DAB1: variants seen among roughly 807,000 people sequenced by gnomAD.
DAB1 encodes DAB adaptor protein 1.
In DAB1, 15 loss-of-function variants were observed where a neutral mutation model predicts 64.6. The ratio of observed to expected loss-of-function variants is 0.23; its 90% CI spans 0.16 to 0.36. DAB1 has a LOEUF of 0.36. Among genes scored for constraint, DAB1 ranks in the 10% least tolerant of loss-of-function variants. The probability of loss-of-function intolerance (pLI) is 1.00; values close to 1 mark genes in which losing one functional copy is unlikely to be tolerated. For missense variants in DAB1, 596 were observed against 706.7 expected, an observed-to-expected ratio of 0.84 and a Z score of 1.78; for synonymous variants, 235 against 251.9, an observed-to-expected ratio of 0.93 and a Z score of 0.64.
chr1:57,843,708 T>C (rs1419894526), intron 1 of DAB1, among the ~76,000 whole-genome samples: 1 of 152,114 alleles, frequency 6.6e-6, no homozygotes, highest in Non-Finnish European at 1.5e-5. Context: ...CCAGCTGAAA[T>C]GAATTACCCT....
intron 7 of DAB1, among the ~76,000 whole-genome samples, chr1:57,590,573 T>C (rs1645433260): frequency 1.3e-5 from 2 of 152,062 alleles, no homozygotes; most frequent in African/African-American, 2.4e-5. Flanking sequence ...CCTCGTGATC[T>C]GCACATCTTG....
At chr1:57,211,023 A>C (rs996207488) in intron 2 of DAB1, among the ~76,000 whole-genome samples, 1 of 152,192 alleles carries the variant, frequency 6.6e-6, no homozygotes, top group African/African-American at 2.4e-5. Context: ...ACCTGGGTGC[A>C]TTTCATTTTG....
At chr1:58,389,178 C>T (rs1644457127) in intron 3 of DAB1, among the ~76,000 whole-genome samples, 1 of 152,190 alleles carries the variant, frequency 6.6e-6, no homozygotes, top group Admixed American at 6.5e-5. Flanking sequence ...TGGCTCATGC[C>T]TCTAATCCCA....
chr1:58,327,260 A>T (rs1460414298), intron 4 of DAB1, among the ~76,000 whole-genome samples: 3 of 152,220 alleles, frequency 2.0e-5, no homozygotes, highest in Non-Finnish European at 2.9e-5. Context: ...TTCCCATGAT[A>T]ATAAATAGAA....
Position 56,994,791 on chromosome 1 carries a change from C to T in DAB1, c.*3353G>A, listed in dbSNP as rs1183833630. The T allele has an allele frequency of 6.6e-6, 1 of 152,164 alleles. No individual in the cohort carries two copies. The highest frequency in any genetic ancestry group is 6.5e-5 in the Admixed American group (1 of 15,278). The allele number at this position is 152,164 out of a possible 1,614,324, so 9.4% of individuals were successfully genotyped here. On this transcript the variant is annotated 3_prime_UTR_variant, in exon 15 of 15. Transcript: ENST00000371236. ...GCCAGGCTAAAGTGTTGTTCTCAAA[C>T]ATGTTTATTTGTAACAGTTTTACAT... is the stretch of plus-strand genomic sequence containing the variant.
At chr1:57,472,622 C>T (rs1687179192) in intron 7 of DAB1, among the ~76,000 whole-genome samples, 3 of 151,564 alleles carry the variant, frequency 2.0e-5, no homozygotes, top group Admixed American at 1.3e-4. Flanking sequence ...AGTCACATAC[C>T]CGCTGCTTGC....
At chr1:58,288,581 A>T (rs2100447483) in intron 4 of DAB1, among the ~76,000 whole-genome samples, 1 of 152,360 alleles carries the variant, frequency 6.6e-6, no homozygotes, top group African/African-American at 2.4e-5. Context: ...ACAGTCATGT[A>T]ATGTCAGCAT....
At chr1:57,910,974 G>A (rs1644635452) in intron 5 of DAB1, among the ~76,000 whole-genome samples, 2 of 152,190 alleles carry the variant, frequency 1.3e-5, no homozygotes, top group Non-Finnish European at 1.5e-5. Context: ...AAGAAGGAAT[G>A]TAGAACAGTA....
At chr1:58,476,333 C>G (rs1389313558) in intron 3 of DAB1, among the ~76,000 whole-genome samples, 2 of 152,120 alleles carry the variant, frequency 1.3e-5, no homozygotes, top group African/African-American at 4.8e-5. Flanking sequence ...GACCTGGAAA[C>G]AGAGCTGCAC....
In DAB1 at chr1:57,484,735, C is replaced by A. The variant is rs1424076910; in HGVS notation, n.625+164857G>T. On this transcript the variant is annotated intron_variant and non_coding_transcript_variant, in intron 7 of 20. Transcript: ENST00000485760. ...AATTCATGAAGCTGGCTAAGGTAACCCAGGGAGAGAGTAATTGGAAAAGAG... is the reference window on the plus strand; with the variant it reads ...AATTCATGAAGCTGGCTAAGGTAACACAGGGAGAGAGTAATTGGAAAAGAG... 5.9e-5 allele frequency among the ~76,000 whole-genome samples: 9 copies of A among 151,784 alleles called. No individual in the cohort carries two copies. In the East Asian group the frequency reaches 1.7e-3, roughly 29 times the overall value.
chr1:57,817,676 T>C (rs1382614411), intron 6 of DAB1, among the ~76,000 whole-genome samples: 2 of 152,142 alleles, frequency 1.3e-5, no homozygotes, highest in Non-Finnish European at 2.9e-5. Context: ...GAATCAGAAA[T>C]GAGAGCTAGA....
chr1:57,830,377 C>G (rs1324044652), intron 1 of DAB1, among the ~76,000 whole-genome samples: 2 of 152,286 alleles, frequency 1.3e-5, no homozygotes, highest in Admixed American at 6.5e-5. Flanking sequence ...AGGCCTATTA[C>G]TTTTCCTATT....
At chr1:57,235,535 C>T (rs1429526381) in intron 2 of DAB1, among the ~76,000 whole-genome samples, 2 of 152,098 alleles carry the variant, frequency 1.3e-5, no homozygotes, top group African/African-American at 4.8e-5. Context: ...TGTCAAGCAT[C>T]ACATTATCCA....
chr1:57,448,535 C>A (rs1308233188), intron 7 of DAB1, among the ~76,000 whole-genome samples: 2 of 152,092 alleles, frequency 1.3e-5, no homozygotes, highest in South Asian at 2.1e-4. Context: ...TTATATTGAA[C>A]AAATAATCAC....
intron 2 of DAB1, among the ~76,000 whole-genome samples, chr1:57,153,068 C>T (rs1265032249): frequency 6.6e-6 from 1 of 152,140 alleles, no homozygotes; most frequent in Non-Finnish European, 1.5e-5. Flanking sequence ...CTCTGTCATC[C>T]AGGCTGACGT....
intron 8 of DAB1, among the ~76,000 whole-genome samples, chr1:57,066,545 C>T (rs1449128834): frequency 6.6e-6 from 1 of 152,194 alleles, no homozygotes; most frequent in Non-Finnish European, 1.5e-5. Context: ...TCAAAAGCCT[C>T]TGTATCCCTT....
chr1:58,462,340 ATGGTCTC>A (rs1645252522), intron 3 of DAB1, among the ~76,000 whole-genome samples: 1 of 151,798 alleles, frequency 6.6e-6, no homozygotes, highest in African/African-American at 2.4e-5. Context: ...GTTAGCCAGG[ATGGTCTC>A]GATCTCCTGA....
chr1:57,937,060 G>A (rs947989030), intron 5 of DAB1, among the ~76,000 whole-genome samples: 1 of 152,034 alleles, frequency 6.6e-6, no homozygotes, highest in Non-Finnish European at 1.5e-5. Context: ...CTGCCTGACT[G>A]TAGCATAAGC....
At chr1:57,502,188 C>T (rs1250533125) in intron 7 of DAB1, among the ~76,000 whole-genome samples, 2 of 151,844 alleles carry the variant, frequency 1.3e-5, no homozygotes, top group South Asian at 2.1e-4. Context: ...GGTGTGGTGG[C>T]GGGCGCCTGC....
Sources: allele counts gnomAD v4.1 joint callset (sites outside exome capture counted in the v4.1 genomes callset), GRCh38; gene constraint gnomAD v4.1.1; transcripts MANE v1.5; gene names NCBI Gene and HGNC (gene_info 2026-07-23, HGNC 2026-07-21).